TRPC1: variants seen among roughly 807,000 people sequenced by gnomAD.
The protein encoded by TRPC1 is short transient receptor potential channel 1.
Under a neutral mutation model 88.2 loss-of-function variants are expected in TRPC1, and 42 were observed. The observed-to-expected ratio is 0.48, with a 90% CI of 0.37 to 0.62. The LOEUF is 0.62. Ranked by LOEUF, TRPC1 falls within the 20% of genes least tolerant of loss-of-function variation. TRPC1 has a pLI of 0.00. For synonymous variants in TRPC1, 288 were observed against 331.8 expected, an observed-to-expected ratio of 0.87 and a Z score of 1.43; for missense variants, 699 against 957.3, an observed-to-expected ratio of 0.73 and a Z score of 3.56.
chr3:142,805,977 A>G (rs368402439), intron 12 of TRPC1, 31 bp from the exon 13 acceptor site: 56 of 1,578,630 alleles, frequency 3.5e-5, no homozygotes, highest in Admixed American at 2.6e-4. Flanking sequence ...TCGTTTCTGC[A>G]TATCCTTAGT....
intron 2 of TRPC1, 142 bp downstream of exon 2, chr3:142,736,675 G>C: frequency 1.2e-6 from 1 of 804,286 alleles, no homozygotes; most frequent in Non-Finnish European, 1.8e-6. Flanking sequence ...CTCTCCTTCT[G>C]TCTTTCATCT....
chr3:142,736,410 G>A lies in TRPC1; in HGVS notation c.204G>A (p.Glu68=). 1 of 1,609,176 alleles carries A rather than the reference G, an allele frequency of 6.2e-7. No homozygotes were observed. Among genetic ancestry groups the A allele is most frequent in the Non-Finnish European group, 8.5e-7 (1 of 1,178,342 alleles). Reference sequence around the variant, plus strand: ...ATTATATGGTTAAAAAGATTTTGGAGGAAAACAGTTCAGGTGACTTGAACA... The same window carrying A: ...ATTATATGGTTAAAAAGATTTTGGAAGAAAACAGTTCAGGTGACTTGAACA... ...GDYYMVKKIL[E]ENSSGDLNIN... Residue 68 remains glutamate, a synonymous_variant, in exon 2 of 13, where the codon GAG becomes GAA. Coordinates refer to ENST00000476941, the MANE Select transcript of TRPC1 (RefSeq NM_001251845.2).
rs116041907 is a variant in TRPC1, at chr3:142,725,890, C to T, written c.172+1159C>T. ...TTTTTGAAAACAATTGACATATAAA[C>T]AAAGTCCACCTATGTCTGTGGTTGA... On this transcript the variant is annotated intron_variant, in intron 1 of 12. Coordinates refer to ENST00000476941, the MANE Select transcript of TRPC1 (RefSeq NM_001251845.2). 4.8e-3 allele frequency among the ~76,000 whole-genome samples: 732 copies of T among 152,200 alleles called. 5 individuals carry two copies. The highest frequency in any genetic ancestry group is 0.017 in the African/African-American group (687 of 41,532).
Position 142,783,914 on chromosome 3 carries a change from T to C in TRPC1, c.961-790T>C, listed in dbSNP as rs1009059926. Among the ~76,000 whole-genome samples the C allele has an allele frequency of 2.6e-5, 4 of 152,198 alleles. No homozygotes were observed. The East Asian group carries it at 7.7e-4, about 29-fold the overall frequency. On this transcript the variant is annotated intron_variant, in intron 6 of 12. Coordinates refer to ENST00000476941, the MANE Select transcript of TRPC1 (RefSeq NM_001251845.2). Reference sequence around the variant, plus strand: ...ACATGAGCATTATATTGGAAAAATATTGCCTATGAAATTTGTCAACTAAGA... The same window carrying C: ...ACATGAGCATTATATTGGAAAAATACTGCCTATGAAATTTGTCAACTAAGA...
In TRPC1 at chr3:142,728,644, C is replaced by T. The variant is rs576076862; in HGVS notation, c.172+3913C>T. Among the ~76,000 whole-genome samples, 245 of 152,194 alleles carry T rather than the reference C, an allele frequency of 1.6e-3. 1 individual carries two copies. The highest frequency in any genetic ancestry group is 5.6e-3 in the African/African-American group (234 of 41,514). ...CCTGATGACTGACTTTCTCCATAAG[C>T]TTTGTGTACCTTTGGGCTAAGGATG... On this transcript the variant is annotated intron_variant, in intron 1 of 12. Transcript: ENST00000476941.
At chr3:142,798,297 A>T (rs980900043) in intron 9 of TRPC1, among the ~76,000 whole-genome samples, 2 of 152,158 alleles carry the variant, frequency 1.3e-5, no homozygotes, top group Non-Finnish European at 2.9e-5. Context: ...GTAAAGAATT[A>T]TTCAACATTT....
rs1188129721 is a variant in TRPC1 at position 142,743,511 on chromosome 3, C to T, written c.354C>T (p.Ile118=). The T allele has an allele frequency of 1.3e-5, 19 of 1,512,720 alleles. No individual in the cohort carries two copies. Among genetic ancestry groups the T allele is most frequent in the Admixed American group, 4.3e-5 (2 of 46,776 alleles). The allele number at this position is 1,512,720 out of a possible 1,614,324, so 93.7% of individuals were successfully genotyped here. The change falls in exon 3 of 13, where the codon ATC becomes ATT. Residue 118 remains isoleucine (I), a synonymous_variant. Transcript: ENST00000476941. ...CTGCAGATGCACTTTTGGTGGCAATCGACTCTGAAGTAGTGGGAGCTGTTG... is the reference window on the plus strand; with the variant it reads ...CTGCAGATGCACTTTTGGTGGCAATTGACTCTGAAGTAGTGGGAGCTGTTG... ...CQSADALLVA[I]DSEVVGAVDI...
intron 4 of TRPC1, among the ~76,000 whole-genome samples, chr3:142,763,727 C>T (rs1935270482): frequency 6.6e-6 from 1 of 151,548 alleles, no homozygotes. Context: ...TGCTTGTTTT[C>T]TCCTTGTTTT....
At chr3:142,752,647 G>C (rs1469412307) in intron 4 of TRPC1, among the ~76,000 whole-genome samples, 3 of 150,198 alleles carry the variant, frequency 2.0e-5, no homozygotes, top group South Asian at 2.1e-4. Context: ...CTGGGGGACA[G>C]TCAGGTCTTT....
At chr3:142,744,151 A>C (rs1276153472) in intron 3 of TRPC1, among the ~76,000 whole-genome samples, 1 of 152,166 alleles carries the variant, frequency 6.6e-6, no homozygotes, top group Non-Finnish European at 1.5e-5. Context: ...ATATTAGAAA[A>C]GGACATAGAA....
At chr3:142,747,052 T>C (rs1934582700) in intron 3 of TRPC1, among the ~76,000 whole-genome samples, 1 of 152,226 alleles carries the variant, frequency 6.6e-6, no homozygotes, top group Non-Finnish European at 1.5e-5. Flanking sequence ...GAATTATTTT[T>C]TTCTGAAGAT....
At chr3:142,726,207 G>A (rs1338362406) in intron 1 of TRPC1, among the ~76,000 whole-genome samples, 3 of 152,148 alleles carry the variant, frequency 2.0e-5, no homozygotes, top group Non-Finnish European at 4.4e-5. Flanking sequence ...CCAGCTCACT[G>A]TGCAATGGTT....
chr3:142,772,391 G>C (rs1935607399), intron 4 of TRPC1, among the ~76,000 whole-genome samples: 1 of 151,802 alleles, frequency 6.6e-6, no homozygotes, highest in Admixed American at 6.6e-5. Flanking sequence ...AATCTGTATT[G>C]ATATATCTTC....
At chr3:142,743,383 TAC>T (rs891335154) in intron 2 of TRPC1, 100 bp from the exon 3 acceptor site, 21 of 910,812 alleles carry the variant, frequency 2.3e-5, no homozygotes, top group African/African-American at 1.4e-4. Flanking sequence ...CTGTATATAA[TAC>T]AGTTTAAATT....
chr3:142,730,567 T>C (rs1043957027), intron 1 of TRPC1, among the ~76,000 whole-genome samples: 1 of 151,764 alleles, frequency 6.6e-6, no homozygotes, highest in Non-Finnish European at 1.5e-5. Flanking sequence ...TTGATAAAGC[T>C]ACATTTTAAA....
intron 4 of TRPC1, among the ~76,000 whole-genome samples, chr3:142,754,910 A>C (rs770239556): frequency 3.9e-5 from 6 of 152,210 alleles, no homozygotes; most frequent in Non-Finnish European, 8.8e-5. Context: ...ATGAATCTCC[A>C]AAAAGGGTGA....
rs1936800330 is a variant in TRPC1 at position 142,806,533 on chromosome 3, A to G, written c.*298A>G. The G allele has an allele frequency of 5.0e-6, 1 of 200,766 alleles. No homozygotes were observed. Among genetic ancestry groups the G allele is most frequent in the Admixed American group, 5.5e-5 (1 of 18,222 alleles). The allele number at this position is 200,766 out of a possible 1,614,324, so 12.4% of individuals were successfully genotyped here. A position where few individuals can be genotyped will look rare whatever the true frequency, so the allele number is the denominator to read the frequency against. On this transcript the variant is annotated 3_prime_UTR_variant, in exon 13 of 13. Transcript: ENST00000476941. The stretch of plus-strand genomic sequence containing the variant: ...TAAAATGTTTTTTTTTATGTTTAAG[A>G]GGGGCAGTTATAAATGGACACATTG...
intron 10 of TRPC1, 54 bp downstream of exon 10, chr3:142,802,398 A>G (rs1936650014): frequency 2.7e-5 from 30 of 1,107,838 alleles, no homozygotes; most frequent in Non-Finnish European, 3.5e-5. Flanking sequence ...TTTTTTTACC[A>G]TCTTCTATAT....
rs751192578 is a variant in TRPC1 at position 142,793,008 on chromosome 3, CATT to C, written c.1581+45_1581+47del. 11 of 1,469,606 alleles carry C rather than the reference CATT, an allele frequency of 7.5e-6. No homozygotes were observed. The South Asian group carries it at 1.5e-4, about 20-fold the overall frequency. The allele number at this position is 1,469,606 out of a possible 1,614,324, so 91.0% of individuals were successfully genotyped here. A position where few individuals can be genotyped will look rare whatever the true frequency, so the allele number is the denominator to read the frequency against. On this transcript the variant is annotated intron_variant, in intron 9 of 12. Coordinates refer to ENST00000476941, the MANE Select transcript of TRPC1 (RefSeq NM_001251845.2). ...TTCTTAAAGAACATTTTTTAGATGT[CATT>C]ATTGTTACATCTTTCTCCTTGTCCA...
Sources: gnomAD v4.1 joint callset for allele counts (sites outside exome capture counted in the v4.1 genomes callset) on GRCh38, gnomAD v4.1.1 for gene constraint, MANE v1.5 for transcripts, NCBI Gene and HGNC (gene_info 2026-07-23, HGNC 2026-07-21) for gene names.